CSNK1G3: variants seen among roughly 807,000 people sequenced by gnomAD.
CSNK1G3 encodes the protein casein kinase I isoform gamma-3.
In CSNK1G3, 23 loss-of-function variants were observed where a neutral mutation model predicts 64.3. That is an observed-to-expected ratio of 0.36 (90% confidence interval 0.26 to 0.51). The LOEUF (loss-of-function observed/expected upper bound fraction) is 0.51, where lower values mean the gene tolerates loss of function less well. Ranked by LOEUF, CSNK1G3 falls within the 20% of genes least tolerant of loss-of-function variation. The pLI is 0.96. For synonymous variants in CSNK1G3, 158 were observed against 162.2 expected (o/e 0.97, Z 0.20); for missense variants, 357 against 510.5 (o/e 0.70, Z 2.90).
At chr5:123,609,824 G>A (rs753032570) in intron 12 of CSNK1G3, among the ~76,000 whole-genome samples, 12 of 152,144 alleles carry the variant, frequency 7.9e-5, no homozygotes, top group Non-Finnish European at 1.5e-4. Context: ...GAAATAGGTT[G>A]GGAACAAAAT....
chr5:123,602,773 G>A (rs1794715581), intron 10 of CSNK1G3, among the ~76,000 whole-genome samples: 1 of 152,078 alleles, frequency 6.6e-6, no homozygotes, highest in South Asian at 2.1e-4. Context: ...TTAGGCCCAG[G>A]GAGTCCTTTA....
chr5:123,604,792 C>G (rs1168981771), exon 11 of CSNK1G3: 2 of 1,611,258 alleles, frequency 1.2e-6, no homozygotes, highest in Admixed American at 3.3e-5. Flanking sequence ...ATGCACCCAT[C>G]ACAGCCCCTA....
chr5:123,577,031 T>A (rs1023504482), intron 6 of CSNK1G3, among the ~76,000 whole-genome samples: 16 of 152,146 alleles, frequency 1.1e-4, no homozygotes, highest in African/African-American at 3.9e-4. Context: ...ATGTATTGAA[T>A]GCATTATCAT....
chr5:123,529,290 G>A (rs1174388314), intron 1 of CSNK1G3, among the ~76,000 whole-genome samples: 2 of 152,108 alleles, frequency 1.3e-5, no homozygotes, highest in African/African-American at 4.8e-5. Context: ...AGAGGCTGGC[G>A]GAACATAACT....
chr5:123,521,478 C>T (rs1054909890), intron 1 of CSNK1G3, among the ~76,000 whole-genome samples: 3 of 152,016 alleles, frequency 2.0e-5, no homozygotes, highest in Non-Finnish European at 2.9e-5. Flanking sequence ...TATTGAAAGT[C>T]GATAACTAGA....
intron 4 of CSNK1G3, among the ~76,000 whole-genome samples, chr5:123,563,946 T>A (rs576873546): frequency 6.6e-6 from 1 of 152,218 alleles, no homozygotes; most frequent in East Asian, 1.9e-4. Flanking sequence ...ACCAACAGTT[T>A]ATGTAGCAGA....
intron 4 of CSNK1G3, among the ~76,000 whole-genome samples, chr5:123,563,270 T>C (rs1009391755): frequency 5.9e-5 from 9 of 152,046 alleles, no homozygotes; most frequent in African/African-American, 2.2e-4. Context: ...AAATCATCAT[T>C]TCTCGAGTGG....
At chr5:123,530,994 G>C (rs1336278498) in intron 1 of CSNK1G3, among the ~76,000 whole-genome samples, 1 of 152,078 alleles carries the variant, frequency 6.6e-6, no homozygotes, top group Non-Finnish European at 1.5e-5. Context: ...TATCTTTACT[G>C]ATTTAAATTT....
intron 12 of CSNK1G3, 93 bp downstream of exon 13, chr5:123,605,455 C>G (rs1795200576): frequency 2.3e-6 from 3 of 1,285,354 alleles, no homozygotes; most frequent in Admixed American, 1.9e-5. Flanking sequence ...ACAAAACTCT[C>G]AACACAGTGA....
intron 12 of CSNK1G3, among the ~76,000 whole-genome samples, chr5:123,610,823 G>GA (rs1337485474): frequency 2.6e-5 from 4 of 151,296 alleles, no homozygotes; most frequent in African/African-American, 7.3e-5. Flanking sequence ...TAAAAATAAT[G>GA]AAAAAAAAAT....
intron 12 of CSNK1G3, among the ~76,000 whole-genome samples, chr5:123,608,053 C>A (rs905700464): frequency 6.6e-6 from 1 of 152,094 alleles, no homozygotes; most frequent in East Asian, 1.9e-4. Context: ...CCCCAGCCCC[C>A]CCAGTAGGTG....
At chr5:123,538,167 A>T (rs929590409) in intron 1 of CSNK1G3, among the ~76,000 whole-genome samples, 2 of 152,186 alleles carry the variant, frequency 1.3e-5, no homozygotes, top group Admixed American at 6.5e-5. Context: ...TTGTAAACAT[A>T]CATTTTTATT....
chr5:123,589,559 T>C (rs549229926), intron 8 of CSNK1G3, among the ~76,000 whole-genome samples: 67 of 152,212 alleles, frequency 4.4e-4, no homozygotes, highest in African/African-American at 1.6e-3. Context: ...GGGTGTGATC[T>C]TTTTCCTGTT....
At chr5:123,604,549 A>G (rs1795020049) in intron 10 of CSNK1G3, among the ~76,000 whole-genome samples, 175 bp from the exon 12 acceptor site, 1 of 152,086 alleles carries the variant, frequency 6.6e-6, no homozygotes, top group South Asian at 2.1e-4. Context: ...TGCTAGACCA[A>G]TTACTGTATT....
intron 4 of CSNK1G3, among the ~76,000 whole-genome samples, chr5:123,564,533 C>T (rs991305624): frequency 6.6e-6 from 1 of 151,936 alleles, no homozygotes; most frequent in Non-Finnish European, 1.5e-5. Flanking sequence ...AGCTTAGGGA[C>T]TAGGGGGAAG....
At chr5:123,614,498 C>T in exon 13 of CSNK1G3, 5 of 915,692 alleles carry the variant, frequency 5.5e-6, no homozygotes, top group African/African-American at 1.7e-5. Context: ...CAAGGACTCA[C>T]TCTTAGAAAC....
chr5:123,561,353 A>G (rs1358155544), intron 4 of CSNK1G3, among the ~76,000 whole-genome samples: 1 of 152,210 alleles, frequency 6.6e-6, no homozygotes, highest in Non-Finnish European at 1.5e-5. Flanking sequence ...TGAGGAGAGT[A>G]TAGAGGTTGA....
At chr5:123,554,303 A>G (rs1346532123) in intron 3 of CSNK1G3, among the ~76,000 whole-genome samples, 1 of 152,172 alleles carries the variant, frequency 6.6e-6, no homozygotes, top group Non-Finnish European at 1.5e-5. Flanking sequence ...ATGAAACAAA[A>G]CGTGATTAGG....
intron 10 of CSNK1G3, among the ~76,000 whole-genome samples, chr5:123,599,184 G>A (rs1462532747): frequency 6.6e-6 from 1 of 152,180 alleles, no homozygotes; most frequent in East Asian, 1.9e-4. Flanking sequence ...AAGGGAAAAA[G>A]ACAAACATTA....
Sources: gnomAD v4.1 joint callset for allele counts (sites outside exome capture counted in the v4.1 genomes callset) on GRCh38, gnomAD v4.1.1 for gene constraint, MANE v1.5 for transcripts, NCBI Gene and HGNC (gene_info 2026-07-23, HGNC 2026-07-21) for gene names.